The following PIBF1 variants were observed in gnomAD, a reference collection of about 807,000 sequenced individuals.
PIBF1 encodes progesterone immunomodulatory binding factor 1, also known as progesterone-induced-blocking factor 1.
PIBF1 carries 90 observed loss-of-function variants against 112.5 expected under a neutral mutation model. The observed-to-expected ratio is 0.80, with a 90% confidence interval of 0.67 to 0.95. The LOEUF (loss-of-function observed/expected upper bound fraction) is 0.95. Among genes scored for constraint, PIBF1 ranks in the 40% least tolerant of loss-of-function variants. The pLI, the probability that PIBF1 is intolerant of heterozygous loss-of-function variation, is 0.00. For synonymous variants in PIBF1, 301 were observed against 288.6 expected, an observed-to-expected ratio of 1.04 and a Z score of -0.44; for missense variants, 915 against 852.3, an observed-to-expected ratio of 1.07 and a Z score of -0.92.
chr13:72,998,319 C>CA (rs2043745985), intron 16 of PIBF1, among the ~76,000 whole-genome samples: 1 of 151,978 alleles, frequency 6.6e-6, no homozygotes, highest in South Asian at 2.1e-4. Flanking sequence ...TTCCAAAATA[C>CA]AAAAAAATTA....
intron 10 of PIBF1, among the ~76,000 whole-genome samples, chr13:72,873,376 G>T (rs2039245817): frequency 6.6e-6 from 1 of 152,058 alleles, no homozygotes; most frequent in Non-Finnish European, 1.5e-5. Flanking sequence ...AGGACATAAA[G>T]AACGTGAACC....
chr13:72,912,740 C>CCATT (rs2040934119), intron 12 of PIBF1, among the ~76,000 whole-genome samples: 1 of 151,916 alleles, frequency 6.6e-6, no homozygotes, highest in Non-Finnish European at 1.5e-5. Context: ...GTTAATCAAA[C>CCATT]CATTATACAT....
chr13:72,986,714 C>T (rs1449996825), intron 16 of PIBF1, among the ~76,000 whole-genome samples: 4 of 131,766 alleles, frequency 3.0e-5, no homozygotes, highest in South Asian at 2.4e-4. Context: ...GACAGAGTCT[C>T]GCTCTGTCGC....
chr13:72,971,488 ACTC>A (rs1361687458), intron 15 of PIBF1, among the ~76,000 whole-genome samples: 5 of 151,544 alleles, frequency 3.3e-5, no homozygotes, highest in Non-Finnish European at 7.4e-5. Flanking sequence ...GTTCTTTTCA[ACTC>A]CTCAGCTCTT....
chr13:72,834,727 G>T (rs144293490), intron 8 of PIBF1, among the ~76,000 whole-genome samples: 1 of 152,224 alleles, frequency 6.6e-6, no homozygotes, highest in African/African-American at 2.4e-5. Context: ...ATTTTTCCTA[G>T]CCTGTAGTAG....
rs1020443236 is a variant in PIBF1 at position 72,795,711 on chromosome 13, C to T, written c.552+154C>T. Among the ~76,000 whole-genome samples the T allele has an allele frequency of 3.3e-5, 5 of 152,256 alleles. No homozygotes were observed. The South Asian group carries it at 8.3e-4, about 25-fold the overall frequency. On this transcript the variant is annotated intron_variant, in intron 4 of 17. Coordinates refer to ENST00000326291, the MANE Select transcript of PIBF1 (RefSeq NM_006346.4). ...TGTTGAGATCCAAATTTTAAAGGAT[C>T]ATGACCATTGATCTCCAAAGTCAAG...
chr13:72,986,057 G>C (rs1475607288), intron 16 of PIBF1, among the ~76,000 whole-genome samples: 1 of 152,078 alleles, frequency 6.6e-6, no homozygotes, highest in Admixed American at 6.6e-5. Flanking sequence ...CAGCTTCATG[G>C]GAGGCTGAGG....
intron 10 of PIBF1, among the ~76,000 whole-genome samples, chr13:72,882,443 C>T (rs1002021164): frequency 7.2e-5 from 11 of 152,132 alleles, no homozygotes; most frequent in Admixed American, 2.0e-4. Flanking sequence ...AATGGGATAT[C>T]ATCAAGTAGA....
At chr13:72,831,770 C>A (rs1422047249) in intron 8 of PIBF1, among the ~76,000 whole-genome samples, 1 of 151,950 alleles carries the variant, frequency 6.6e-6, no homozygotes, top group Non-Finnish European at 1.5e-5. Flanking sequence ...TCTGCTTGGT[C>A]CAGATCTGAG....
At chr13:72,943,920 G>C (rs1247901837) in intron 14 of PIBF1, among the ~76,000 whole-genome samples, 1 of 152,150 alleles carries the variant, frequency 6.6e-6, no homozygotes, top group East Asian at 1.9e-4. Flanking sequence ...TATATTGCAT[G>C]TTTGCTCCAA....
Position 73,010,810 on chromosome 13 carries a change from CTTTTTTTTTTTT to C in PIBF1, c.2224-5040_2224-5029del, listed in dbSNP as rs1176079981. On this transcript the variant is annotated intron_variant, in intron 17 of 17. Transcript: ENST00000326291. The stretch of plus-strand genomic sequence containing the variant: ...CTGAGCTGGAAAATCATTAACTTTT[CTTTTTTTTTTTT>C]TTTTTTTTTTTTTTTTTTGAGACAG... Among the ~76,000 whole-genome samples the C allele has an allele frequency of 5.2e-4, 21 of 40,306 alleles. 1 individual carries two copies. Among genetic ancestry groups the C allele is most frequent in the African/African-American group, 1.1e-3 (12 of 10,462 alleles). The allele number at this position is 40,306 out of a possible 152,430, so 26.4% of individuals were successfully genotyped here.
intron 16 of PIBF1, among the ~76,000 whole-genome samples, chr13:72,992,342 T>C (rs537082118): frequency 2.4e-4 from 36 of 152,344 alleles, no homozygotes; most frequent in Non-Finnish European, 4.3e-4. Flanking sequence ...AAAATAACTT[T>C]CTAAATTAAT....
At chr13:72,953,372 C>A (rs1189037777) in intron 14 of PIBF1, among the ~76,000 whole-genome samples, 1 of 152,142 alleles carries the variant, frequency 6.6e-6, no homozygotes, top group Non-Finnish European at 1.5e-5. Context: ...GCGGCACTCC[C>A]CCTTTACCTG....
intron 2 of PIBF1, among the ~76,000 whole-genome samples, chr13:72,788,827 T>A (rs766570054): frequency 6.6e-6 from 1 of 152,186 alleles, no homozygotes; most frequent in African/African-American, 2.4e-5. Context: ...CCCATCAAAA[T>A]CTTTTTTTAG....
intron 16 of PIBF1, among the ~76,000 whole-genome samples, chr13:72,978,642 CTT>C (rs1182538290): frequency 1.3e-5 from 2 of 152,038 alleles, no homozygotes; most frequent in African/African-American, 4.8e-5. Context: ...GTGTTATAAT[CTT>C]TTTTTTCCTC....
chr13:72,818,527 C>T (rs1459793221), intron 5 of PIBF1, among the ~76,000 whole-genome samples: 1 of 152,096 alleles, frequency 6.6e-6, no homozygotes, highest in Non-Finnish European at 1.5e-5. Flanking sequence ...CTTTCATCCA[C>T]TAAACATCTT....
At chr13:72,987,858 A>ATTTAT (rs1345167411) in intron 16 of PIBF1, among the ~76,000 whole-genome samples, 7 of 58,118 alleles carry the variant, frequency 1.2e-4, no homozygotes, top group African/African-American at 6.5e-4. Context: ...TTATTTATTT[A>ATTTAT]TTTTTTTTTT....
At chr13:72,955,373 T>TTGTG (rs150485983) in intron 14 of PIBF1, among the ~76,000 whole-genome samples, 3,338 of 147,758 alleles carry the variant, frequency 0.023, 89 homozygotes, top group African/African-American at 0.034. Flanking sequence ...ATGTGTGTGT[T>TTGTG]TGTGTGTGTG....
At chr13:72,840,193 GAT>G (rs2037543731) in intron 9 of PIBF1, among the ~76,000 whole-genome samples, 1 of 152,126 alleles carries the variant, frequency 6.6e-6, no homozygotes, top group Non-Finnish European at 1.5e-5. Context: ...CATTATGGCA[GAT>G]TTAACTGTAG....
Sources: gnomAD v4.1 joint callset for allele counts (sites outside exome capture counted in the v4.1 genomes callset) on GRCh38, gnomAD v4.1.1 for gene constraint, MANE v1.5 for transcripts, NCBI Gene and HGNC (gene_info 2026-07-23, HGNC 2026-07-21) for gene names.